Variants in ADAMTS14 observed in about 807,000 individuals in gnomAD.
ADAMTS14 encodes A disintegrin and metalloproteinase with thrombospondin motifs 14.
In ADAMTS14, 100 loss-of-function variants were observed where a neutral mutation model predicts 128.6. That is an observed-to-expected ratio of 0.78 (90% CI 0.66 to 0.92). The LOEUF is 0.92. Ranked by LOEUF, ADAMTS14 falls within the 40% of genes least tolerant of loss-of-function variation. The pLI, the probability that ADAMTS14 is intolerant of heterozygous loss-of-function variation, is 0.00. For missense variants in ADAMTS14, 1,562 were observed against 1,658.6 expected, an observed-to-expected ratio of 0.94 and a Z score of 1.01; for synonymous variants, 665 against 653.8, an observed-to-expected ratio of 1.02 and a Z score of -0.26.
chr10:70,708,631 G>C lies in ADAMTS14; in HGVS notation c.723G>C (p.Gly241=). 6.2e-7 allele frequency: 1 copy of C among 1,611,690 alleles called. No individual in the cohort carries two copies. The highest frequency in any genetic ancestry group is 2.2e-5 in the East Asian group (1 of 44,788). The part of the protein sequence containing the change: ...GDLPNLLGLV[G]DQLGDTERKR... Reference sequence around the variant, plus strand: ...TTCCCAACCTGCTGGGCCTGGTGGGGGACCAGCTGGGCGACACAGAGCGGA... The same window carrying C: ...TTCCCAACCTGCTGGGCCTGGTGGGCGACCAGCTGGGCGACACAGAGCGGA... Residue 241 remains glycine, a synonymous_variant, in exon 4 of 22, where the codon GGG becomes GGC. Coordinates refer to ENST00000373207, the MANE Select transcript of ADAMTS14 (RefSeq NM_080722.4).
chr10:70,720,132 C>A (rs1841208364), intron 4 of ADAMTS14, among the ~76,000 whole-genome samples: 1 of 152,202 alleles, frequency 6.6e-6, no homozygotes, highest in Admixed American at 6.5e-5. Context: ...GAGCACCACC[C>A]AGACCAGCCT....
At chr10:70,738,565 A>T (rs1025665964) in intron 10 of ADAMTS14, among the ~76,000 whole-genome samples, 6 of 152,146 alleles carry the variant, frequency 3.9e-5, no homozygotes, top group African/African-American at 1.4e-4. Flanking sequence ...TTGCACATTT[A>T]TTATCACTGT....
At chr10:70,742,020 G>T (rs1249409484) in intron 12 of ADAMTS14, among the ~76,000 whole-genome samples, 1 of 152,196 alleles carries the variant, frequency 6.6e-6, no homozygotes, top group African/African-American at 2.4e-5. Flanking sequence ...CCTCCCTGGA[G>T]CCTGGGCTCC....
chr10:70,751,302 G>A (rs1572799), intron 16 of ADAMTS14, among the ~76,000 whole-genome samples, 176 bp from the exon 17 acceptor site: 26,073 of 152,112 alleles, frequency 0.17, 2,961 homozygotes, highest in East Asian at 0.56. Context: ...TTGTCCTATG[G>A]CAGCTGGTCT....
chr10:70,703,613 G>C (rs772879640), intron 3 of ADAMTS14, among the ~76,000 whole-genome samples: 2 of 152,202 alleles, frequency 1.3e-5, no homozygotes, highest in Non-Finnish European at 2.9e-5. Flanking sequence ...AGAGGGCTGA[G>C]TCTCCCCTGG....
At chr10:70,756,898 A>T (rs1053009236) in intron 19 of ADAMTS14, among the ~76,000 whole-genome samples, 1 of 152,154 alleles carries the variant, frequency 6.6e-6, no homozygotes, top group African/African-American at 2.4e-5. Flanking sequence ...TATTCATATA[A>T]TCAACTTTCA....
In ADAMTS14 at chr10:70,719,411, C is replaced by CAT. The variant is rs1554818854; in HGVS notation, c.871-9882_871-9881insTA. 8.4e-3 allele frequency among the ~76,000 whole-genome samples: 1,095 copies of CAT among 131,066 alleles called. 12 individuals are homozygous for CAT. The highest frequency in any genetic ancestry group is 0.03 in the African/African-American group (1,044 of 34,784). The allele number at this position is 131,066 out of a possible 152,430, so 86.0% of individuals were successfully genotyped here. A position where few individuals can be genotyped will look rare whatever the true frequency, so the allele number is the denominator to read the frequency against. ...ACACACACACACACACACACACACA[C>CAT]ACTTTTTAGAGGTAGGGTCTTGCTT... is the stretch of plus-strand genomic sequence containing the variant. On this transcript the variant is annotated intron_variant, in intron 4 of 21. Transcript: ENST00000373207.
At chr10:70,740,941 G>C (rs1301366112) in intron 11 of ADAMTS14, 46 bp from the exon 12 acceptor site, 4 of 1,598,030 alleles carry the variant, frequency 2.5e-6, no homozygotes, top group African/African-American at 2.7e-5. Flanking sequence ...GCCCTCCCCA[G>C]CCTTCCCAGC....
chr10:70,738,764 C>G, intron 10 of ADAMTS14, 78 bp from the exon 11 acceptor site: 1 of 1,595,282 alleles, frequency 6.3e-7, no homozygotes, highest in Non-Finnish European at 8.5e-7. Context: ...CATGCTCTTG[C>G]TATCCCTTTT....
chr10:70,710,275 C>T (rs1386870058), intron 4 of ADAMTS14, among the ~76,000 whole-genome samples: 2 of 152,210 alleles, frequency 1.3e-5, no homozygotes, highest in African/African-American at 4.8e-5. Context: ...GTTAATGGCT[C>T]ATCATAAACA....
intron 4 of ADAMTS14, among the ~76,000 whole-genome samples, chr10:70,728,297 T>G (rs1283337787): frequency 6.6e-6 from 1 of 152,230 alleles, no homozygotes. Flanking sequence ...GATGCATGCA[T>G]GTACACACGT....
At chr10:70,749,352 C>G (rs1400680284) in intron 15 of ADAMTS14, among the ~76,000 whole-genome samples, 1 of 152,154 alleles carries the variant, frequency 6.6e-6, no homozygotes, top group African/African-American at 2.4e-5. Context: ...GATGGTGAAA[C>G]TGAGGCAGCA....
chr10:70,748,520 C>G (rs982804678), intron 15 of ADAMTS14, among the ~76,000 whole-genome samples: 1 of 152,176 alleles, frequency 6.6e-6, no homozygotes, highest in African/African-American at 2.4e-5. Flanking sequence ...TTTTCCACCC[C>G]TCTTCCCCAC....
At chr10:70,675,521 C>T (rs1839618940) in intron 2 of ADAMTS14, among the ~76,000 whole-genome samples, 1 of 152,128 alleles carries the variant, frequency 6.6e-6, no homozygotes, top group Non-Finnish European at 1.5e-5. Context: ...CAGTTAGCGG[C>T]TGCTATTATG....
intron 4 of ADAMTS14, among the ~76,000 whole-genome samples, chr10:70,712,891 G>T (rs547732294): frequency 1.3e-5 from 2 of 152,318 alleles, no homozygotes; most frequent in Admixed American, 1.3e-4. Context: ...CATCTCCCAG[G>T]CTACAGCCCT....
At chr10:70,716,493 GC>G (rs779824258) in intron 4 of ADAMTS14, among the ~76,000 whole-genome samples, 1 of 152,220 alleles carries the variant, frequency 6.6e-6, no homozygotes, top group Non-Finnish European at 1.5e-5. Context: ...AAACTTCCCA[GC>G]AAGGGAAGGA....
At chr10:70,710,597 G>A (rs2132619258) in intron 4 of ADAMTS14, among the ~76,000 whole-genome samples, 1 of 152,368 alleles carries the variant, frequency 6.6e-6, no homozygotes, top group South Asian at 2.1e-4. Context: ...GCACTAAGAG[G>A]AATATTAGTG....
intron 2 of ADAMTS14, among the ~76,000 whole-genome samples, chr10:70,684,930 T>A (rs1407860576): frequency 6.6e-6 from 1 of 152,240 alleles, no homozygotes; most frequent in Non-Finnish European, 1.5e-5. Flanking sequence ...CCTTGTCTCC[T>A]CATGACCATG....
At chr10:70,685,484 C>A (rs1839926806) in intron 2 of ADAMTS14, among the ~76,000 whole-genome samples, 1 of 152,198 alleles carries the variant, frequency 6.6e-6, no homozygotes, top group Non-Finnish European at 1.5e-5. Flanking sequence ...CTGACTTTGG[C>A]CTGAGTTGGA....
Sources: gnomAD v4.1 joint callset for allele counts (sites outside exome capture counted in the v4.1 genomes callset) on GRCh38, gnomAD v4.1.1 for gene constraint, MANE v1.5 for transcripts, NCBI Gene and HGNC (gene_info 2026-07-23, HGNC 2026-07-21) for gene names.